Variants in GRIN2A observed in about 807,000 individuals in gnomAD.
The protein encoded by GRIN2A is glutamate ionotropic receptor NMDA type subunit 2A.
Under a neutral mutation model 113.4 loss-of-function variants are expected in GRIN2A, and 22 were observed. That is an observed-to-expected ratio of 0.19 (90% CI 0.14 to 0.28). GRIN2A has a LOEUF of 0.28. Among genes scored for constraint, GRIN2A ranks in the 10% least tolerant of loss-of-function variants. The pLI, the probability that GRIN2A is intolerant of heterozygous loss-of-function variation, is 1.00. For synonymous variants in GRIN2A, 827 were observed against 738.4 expected (o/e 1.12, Z -1.94); for missense variants, 1,502 against 1,887.0 (o/e 0.80, Z 3.78).
At chr16:9,970,599 A>C (rs949684170) in intron 2 of GRIN2A, 5 of 164,600 alleles carry the variant, frequency 3.0e-5, no homozygotes, top group African/African-American at 1.3e-4. Flanking sequence ...TAAATCTGGA[A>C]TCGAGTTCTT....
At chr16:9,942,968 A>G (rs180801222) in intron 2 of GRIN2A, among the ~76,000 whole-genome samples, 51 of 152,292 alleles carry the variant, frequency 3.3e-4, no homozygotes, top group Middle Eastern at 3.4e-3. Context: ...GCTCACATTT[A>G]ACTTTGGGAT....
chr16:10,172,675 GGCCAGTA>G (rs2050067024), intron 2 of GRIN2A, among the ~76,000 whole-genome samples: 1 of 152,220 alleles, frequency 6.6e-6, no homozygotes, highest in Non-Finnish European at 1.5e-5. Flanking sequence ...GGGGAATCGG[GGCCAGTA>G]TGGCCAGGCC....
At chr16:10,111,232 C>A in intron 2 of GRIN2A, 1 of 250,304 alleles carries the variant, frequency 4.0e-6, no homozygotes, top group African/African-American at 2.2e-5. Context: ...TGAAAATGAC[C>A]AAGGCACCCA....
intron 4 of GRIN2A, among the ~76,000 whole-genome samples, chr16:9,888,518 T>C (rs561831172): frequency 4.1e-4 from 63 of 152,206 alleles, no homozygotes; most frequent in Non-Finnish European, 8.7e-4. Context: ...CAATACCATT[T>C]ATTAAAAAGA....
intron 2 of GRIN2A, among the ~76,000 whole-genome samples, chr16:9,991,183 C>T (rs2046106054): frequency 6.6e-6 from 1 of 152,140 alleles, no homozygotes; most frequent in African/African-American, 2.4e-5. Context: ...ACACTCAGCA[C>T]ATTATAGGAG....
chr16:9,997,228 A>G (rs898457092), intron 2 of GRIN2A, among the ~76,000 whole-genome samples: 9 of 152,156 alleles, frequency 5.9e-5, no homozygotes, highest in Admixed American at 5.2e-4. Context: ...TGGAGATGCT[A>G]TAATTGAAGT....
At chr16:10,071,127 C>T (rs2047742176) in intron 2 of GRIN2A, among the ~76,000 whole-genome samples, 1 of 152,100 alleles carries the variant, frequency 6.6e-6, no homozygotes, top group Non-Finnish European at 1.5e-5. Flanking sequence ...TTAAGTAATA[C>T]CTACATAAAA....
intron 10 of GRIN2A, among the ~76,000 whole-genome samples, chr16:9,806,639 CAGAA>C (rs1444636144): frequency 2.7e-5 from 4 of 149,386 alleles, no homozygotes; most frequent in Non-Finnish European, 5.9e-5. Flanking sequence ...AAGACGGAGA[CAGAA>C]AGAGAGAAAA....
chr16:9,936,399 A>T (rs1414157990), intron 3 of GRIN2A, among the ~76,000 whole-genome samples: 1 of 152,216 alleles, frequency 6.6e-6, no homozygotes, highest in Non-Finnish European at 1.5e-5. Flanking sequence ...AATGATGTGC[A>T]AGTCATACAG....
At chr16:9,941,691 C>T (rs538627723) in intron 2 of GRIN2A, among the ~76,000 whole-genome samples, 3 of 152,292 alleles carry the variant, frequency 2.0e-5, no homozygotes, top group South Asian at 4.1e-4. Context: ...AAACACTCAG[C>T]CTTTCTAAGT....
chr16:9,839,641 T>A (rs142184164), intron 7 of GRIN2A, among the ~76,000 whole-genome samples: 1 of 152,322 alleles, frequency 6.6e-6, no homozygotes, highest in Non-Finnish European at 1.5e-5. Flanking sequence ...AGGATGGATA[T>A]GTAGATGCTG....
At chr16:10,027,375 C>A (rs189655708) in intron 2 of GRIN2A, among the ~76,000 whole-genome samples, 3 of 152,134 alleles carry the variant, frequency 2.0e-5, no homozygotes, top group Non-Finnish European at 4.4e-5. Flanking sequence ...GAATGTCCCC[C>A]CCTGCCAGTG....
intron 2 of GRIN2A, among the ~76,000 whole-genome samples, chr16:10,056,483 C>T (rs1012689556): frequency 6.6e-6 from 1 of 152,152 alleles, no homozygotes; most frequent in African/African-American, 2.4e-5. Flanking sequence ...CTCTTCAACC[C>T]TCTAACCACC....
At chr16:9,964,634 C>A (rs973762059) in intron 2 of GRIN2A, among the ~76,000 whole-genome samples, 3 of 152,156 alleles carry the variant, frequency 2.0e-5, no homozygotes, top group Non-Finnish European at 2.9e-5. Flanking sequence ...CCACATTCCT[C>A]GGCTTATGAC....
At chr16:9,875,674 G>C (rs896117453) in intron 4 of GRIN2A, among the ~76,000 whole-genome samples, 3 of 152,222 alleles carry the variant, frequency 2.0e-5, no homozygotes, top group African/African-American at 7.2e-5. Context: ...GGGTGGGGTA[G>C]GGGAGAAATC....
chr16:9,863,615 A>G (rs1315084211), intron 4 of GRIN2A, among the ~76,000 whole-genome samples: 4 of 152,188 alleles, frequency 2.6e-5, no homozygotes, highest in East Asian at 1.9e-4. Context: ...TCAAATGTGA[A>G]CCATGTGTCA....
chr16:9,931,358 C>T (rs11645465), intron 3 of GRIN2A, among the ~76,000 whole-genome samples: 65,307 of 151,864 alleles, frequency 0.43, 14,541 homozygotes, highest in African/African-American at 0.45. Context: ...ATAATAATGA[C>T]CTGATAGTTA....
rs765447838 is a variant in GRIN2A, at chr16:9,764,303, T to C, written c.3241A>G (p.Lys1081Glu). 2 of 1,614,072 alleles carry C rather than the reference T, an allele frequency of 1.2e-6. No individual in the cohort carries two copies. Among genetic ancestry groups the C allele is most frequent in the South Asian group, 2.2e-5 (2 of 91,070 alleles). Residue 1081 changes from lysine to glutamate, a missense_variant, in exon 13 of 13, where the codon AAA (lysine) becomes GAA (glutamate). Transcript: ENST00000330684. Reference protein sequence around the residue: ...HREPDNSKNHKTKDNFKRSVA... With the variant: ...HREPDNSKNHETKDNFKRSVA... ...GACCTTTTAAAGTTGTCCTTGGTTT[T>C]GTGGTTCTTACTGTTGTCAGGTTCC...
At chr16:9,808,862 T>C (rs1360556463) in intron 10 of GRIN2A, among the ~76,000 whole-genome samples, 1 of 152,014 alleles carries the variant, frequency 6.6e-6, no homozygotes, top group Non-Finnish European at 1.5e-5. Context: ...CACAGAGGAC[T>C]CCCCAACGAT....
Sources: gnomAD v4.1 joint callset for allele counts (sites outside exome capture counted in the v4.1 genomes callset) on GRCh38, gnomAD v4.1.1 for gene constraint, MANE v1.5 for transcripts, NCBI Gene and HGNC (gene_info 2026-07-23, HGNC 2026-07-21) for gene names.